ASIC2: variants seen among roughly 807,000 people sequenced by gnomAD.
ASIC2 encodes the protein acid sensing ion channel subunit 2, also known as acid-sensing ion channel 2.
Under a neutral mutation model 57.3 loss-of-function variants are expected in ASIC2, and 25 were observed. The ratio of observed to expected loss-of-function variants is 0.44; its 90% CI spans 0.32 to 0.61. The LOEUF (loss-of-function observed/expected upper bound fraction) is 0.61, where lower values mean the gene tolerates loss of function less well. Ranked by LOEUF, ASIC2 falls within the 20% of genes least tolerant of loss-of-function variation. The pLI is 0.06. For synonymous variants in ASIC2, 319 were observed against 307.5 expected (o/e 1.04, Z -0.39); for missense variants, 641 against 738.1 (o/e 0.87, Z 1.52).
At chr17:33,168,053 G>A (rs559389581) in intron 1 of ASIC2, among the ~76,000 whole-genome samples, 1 of 152,284 alleles carries the variant, frequency 6.6e-6, no homozygotes, top group South Asian at 2.1e-4. Context: ...TCAGGGAGTG[G>A]GCTCTGGATA....
At chr17:33,224,927 G>GT (rs1189700762) in intron 1 of ASIC2, among the ~76,000 whole-genome samples, 2 of 152,222 alleles carry the variant, frequency 1.3e-5, no homozygotes, top group African/African-American at 2.4e-5. Context: ...GGGAGAAGGA[G>GT]TAACTCTACA....
intron 1 of ASIC2, among the ~76,000 whole-genome samples, chr17:33,499,149 A>C (rs1469195125): frequency 6.6e-6 from 1 of 152,146 alleles, no homozygotes; most frequent in African/African-American, 2.4e-5. Context: ...GTTTGATTGA[A>C]GTGGGGGTGT....
intron 1 of ASIC2, among the ~76,000 whole-genome samples, chr17:33,378,330 T>C (rs1470680456): frequency 1.3e-5 from 2 of 152,222 alleles, no homozygotes; most frequent in African/African-American, 4.8e-5. Context: ...CCCCTGTTCC[T>C]CTGATATTTA....
chr17:33,485,296 A>T (rs1913541331), intron 1 of ASIC2, among the ~76,000 whole-genome samples: 2 of 152,258 alleles, frequency 1.3e-5, no homozygotes, highest in Non-Finnish European at 2.9e-5. Flanking sequence ...TGCAAAGCAG[A>T]CATGGTTAGG....
intron 1 of ASIC2, among the ~76,000 whole-genome samples, chr17:33,946,153 G>A (rs558681587): frequency 5.1e-4 from 78 of 152,144 alleles, no homozygotes; most frequent in Non-Finnish European, 1.0e-3. Flanking sequence ...CAGTCAAGGC[G>A]GCCACTGCAG....
At chr17:33,975,904 T>C (rs1247905654) in intron 1 of ASIC2, among the ~76,000 whole-genome samples, 2 of 152,064 alleles carry the variant, frequency 1.3e-5, no homozygotes, top group Non-Finnish European at 2.9e-5. Context: ...AGTCTCTCCT[T>C]TTACGGTACC....
intron 1 of ASIC2, among the ~76,000 whole-genome samples, chr17:34,049,791 C>T (rs12450326): frequency 0.13 from 19,729 of 152,210 alleles, 1,361 homozygotes; most frequent in South Asian, 0.19. Flanking sequence ...AATCTTCCTC[C>T]GACAGGAATC....
intron 1 of ASIC2, among the ~76,000 whole-genome samples, chr17:33,522,031 C>A (rs1914757291): frequency 6.6e-6 from 1 of 152,188 alleles, no homozygotes; most frequent in Non-Finnish European, 1.5e-5. Flanking sequence ...CTGAGCAAAG[C>A]CAGCTGGCTG....
At chr17:33,382,380 A>G (rs1567842883) in intron 1 of ASIC2, among the ~76,000 whole-genome samples, 1 of 152,310 alleles carries the variant, frequency 6.6e-6, no homozygotes, top group East Asian at 1.9e-4. Context: ...CACTATGGAT[A>G]CGGTGGGAGG....
rs117747137 is a variant in ASIC2 at position 33,363,789 on chromosome 17, G to A, written c.556-251722C>T. 9.1e-3 allele frequency among the ~76,000 whole-genome samples: 1,386 copies of A among 152,290 alleles called. 8 individuals carry two copies. The highest frequency in any genetic ancestry group is 0.028 in the South Asian group (137 of 4,826). On this transcript the variant is annotated intron_variant, in intron 1 of 9. Transcript: ENST00000359872. Reference sequence around the variant, plus strand: ...ATCTATGGCTCCACACACGTCAGAAGGTTTGCTTGTTTGCTTTCCATCTGG... The same window carrying A: ...ATCTATGGCTCCACACACGTCAGAAAGTTTGCTTGTTTGCTTTCCATCTGG...
At chr17:33,059,276 T>C (rs1381875221) in intron 3 of ASIC2, among the ~76,000 whole-genome samples, 2 of 152,188 alleles carry the variant, frequency 1.3e-5, no homozygotes, top group Non-Finnish European at 2.9e-5. Context: ...GTCATTTACA[T>C]TAGGTATCTC....
rs114229321 is a variant in ASIC2, at chr17:33,281,576, G to T, written c.708+9832C>A. Among the ~76,000 whole-genome samples the T allele has an allele frequency of 2.2e-3, 336 of 152,328 alleles. 1 individual carries two copies. Among genetic ancestry groups the T allele is most frequent in the African/African-American group, 7.6e-3 (317 of 41,564 alleles). On this transcript the variant is annotated intron_variant, in intron 1 of 9. Coordinates refer to ENST00000225823, the MANE Select transcript of ASIC2 (RefSeq NM_183377.2). Reference sequence around the variant, plus strand: ...GAAACAGCCCTACACGAAAAGTATGGTCTGTGTTTCGCAAATGAGGAAACA... The same window carrying T: ...GAAACAGCCCTACACGAAAAGTATGTTCTGTGTTTCGCAAATGAGGAAACA...
chr17:33,470,714 T>A (rs901842054), intron 1 of ASIC2, among the ~76,000 whole-genome samples: 1 of 152,138 alleles, frequency 6.6e-6, no homozygotes, highest in African/African-American at 2.4e-5. Context: ...AATGCATGCT[T>A]CTCTATCTTG....
intron 1 of ASIC2, among the ~76,000 whole-genome samples, chr17:33,392,196 C>CTCCTTCCTTCCT (rs377322524): frequency 3.2e-4 from 12 of 37,830 alleles, no homozygotes; most frequent in Middle Eastern, 0.014. Flanking sequence ...CCTTCCTTCC[C>CTCCTTCCTTCCT]TCCTTCCTTC....
rs574153593 is a variant in ASIC2, at chr17:33,824,204, A to G, written c.555+331774T>C. ...ATAAAGGGTATTATTTTTACTCCGAATGCCCAGGCGGGCCTATATACTAAG... is the reference window on the plus strand; with the variant it reads ...ATAAAGGGTATTATTTTTACTCCGAGTGCCCAGGCGGGCCTATATACTAAG... On this transcript the variant is annotated intron_variant, in intron 1 of 9. Coordinates refer to the ASIC2 transcript ENST00000359872. Among the ~76,000 whole-genome samples, 8 of 152,230 alleles carry G rather than the reference A, an allele frequency of 5.3e-5. No homozygotes were observed. The South Asian group carries it at 1.7e-3, about 32-fold the overall frequency.
intron 3 of ASIC2, among the ~76,000 whole-genome samples, chr17:33,061,313 C>T (rs1040539066): frequency 2.0e-5 from 3 of 152,078 alleles, no homozygotes; most frequent in African/African-American, 7.2e-5. Flanking sequence ...ATAGATAGCT[C>T]TTATTATTTT....
intron 1 of ASIC2, among the ~76,000 whole-genome samples, chr17:33,157,692 C>A (rs1905045464): frequency 6.6e-6 from 1 of 152,216 alleles, no homozygotes; most frequent in Non-Finnish European, 1.5e-5. Flanking sequence ...TTGGTCTGAG[C>A]ACCTCCATAT....
chr17:33,863,278 A>G (rs1914142594), intron 1 of ASIC2, among the ~76,000 whole-genome samples: 1 of 152,228 alleles, frequency 6.6e-6, no homozygotes, highest in East Asian at 1.9e-4. Flanking sequence ...CCTAAAAGGG[A>G]TGGAATGAGT....
chr17:33,254,117 T>C (rs1908975735), intron 1 of ASIC2, among the ~76,000 whole-genome samples: 1 of 152,132 alleles, frequency 6.6e-6, no homozygotes. Flanking sequence ...GGAGGTGAAG[T>C]CCACCAGCTA....
Sources: gnomAD v4.1 joint callset for allele counts (sites outside exome capture counted in the v4.1 genomes callset) on GRCh38, gnomAD v4.1.1 for gene constraint, MANE v1.5 for transcripts, NCBI Gene and HGNC (gene_info 2026-07-23, HGNC 2026-07-21) for gene names.